OSBPL8: variants seen among roughly 807,000 people sequenced by gnomAD.
OSBPL8 encodes oxysterol binding protein like 8, also known as oxysterol-binding protein-related protein 8.
A neutral mutation model predicts 125.5 loss-of-function variants in OSBPL8; 59 were observed. That is an observed-to-expected ratio of 0.47 (90% confidence interval 0.38 to 0.58). OSBPL8 has a LOEUF of 0.58. Ranked by LOEUF, OSBPL8 falls within the 20% of genes least tolerant of loss-of-function variation. The pLI is 0.00. For synonymous variants in OSBPL8, 330 were observed against 338.9 expected, an observed-to-expected ratio of 0.97 and a Z score of 0.29; for missense variants, 758 against 1,047.8, an observed-to-expected ratio of 0.72 and a Z score of 3.82.
intron 21 of OSBPL8, 113 bp from the exon 22 acceptor site, chr12:76,358,924 CA>C: frequency 1.3e-6 from 1 of 750,806 alleles, no homozygotes; most frequent in South Asian, 1.7e-5. Context: ...GAAATAAAGA[CA>C]ATGATGAAAT....
At chr12:76,533,768 G>GA (rs888194155) in intron 1 of OSBPL8, among the ~76,000 whole-genome samples, 2 of 151,632 alleles carry the variant, frequency 1.3e-5, no homozygotes, top group South Asian at 2.1e-4. Context: ...ATTTCAGTAG[G>GA]AAAAAAAATA....
At chr12:76,464,222 T>G (rs921646465) in intron 2 of OSBPL8, among the ~76,000 whole-genome samples, 1 of 152,038 alleles carries the variant, frequency 6.6e-6, no homozygotes, top group African/African-American at 2.4e-5. Context: ...TGTACCACGA[T>G]CCATGATCGC....
chr12:76,468,782 T>A (rs1460861097), intron 2 of OSBPL8, among the ~76,000 whole-genome samples: 1 of 152,254 alleles, frequency 6.6e-6, no homozygotes, highest in Non-Finnish European at 1.5e-5. Context: ...TCCACCATTA[T>A]AATGGTCTAG....
chr12:76,502,543 T>C (rs559653622), intron 1 of OSBPL8, among the ~76,000 whole-genome samples: 107 of 152,324 alleles, frequency 7.0e-4, no homozygotes, highest in Non-Finnish European at 1.3e-3. Context: ...GGAAAGTATG[T>C]CTGAAATACA....
chr12:76,386,553 A>C (rs1953321302), intron 13 of OSBPL8, 26 bp downstream of exon 13: 1 of 1,537,338 alleles, frequency 6.5e-7, no homozygotes. Flanking sequence ...CACTAAAGAC[A>C]ATAAAATGTA....
At chr12:76,457,841 A>C (rs1388073278) in intron 3 of OSBPL8, among the ~76,000 whole-genome samples, 1 of 152,214 alleles carries the variant, frequency 6.6e-6, no homozygotes, top group African/African-American at 2.4e-5. Context: ...ATGCTATTCT[A>C]TTTATAAAGC....
Position 76,373,414 on chromosome 12 carries a change from T to G in OSBPL8, c.1847A>C (p.Asp616Ala). ...TTTCCCTGATATTTGATTAACACAG[T>G]CACTACTCCCTAGGAATGGCTTTTA... ...FKLKPFLGSS[D>A]CVNQISGKLK... is the part of the protein sequence containing the mutation. The change falls in exon 18 of 24, where the codon GAC becomes GCC. Residue 616 changes from aspartate to alanine, a missense_variant. Physicochemically the swap from Asp to Ala is moderately radical, Grantham distance 126. Coordinates refer to ENST00000261183, the MANE Select transcript of OSBPL8 (RefSeq NM_020841.5). The G allele has an allele frequency of 1.2e-6, 2 of 1,606,912 alleles. No individual in the cohort carries two copies. Among genetic ancestry groups the G allele is most frequent in the South Asian group, 2.2e-5 (2 of 90,276 alleles).
chr12:76,403,912 A>G (rs1277245722), intron 5 of OSBPL8, among the ~76,000 whole-genome samples: 1 of 152,224 alleles, frequency 6.6e-6, no homozygotes, highest in Non-Finnish European at 1.5e-5. Context: ...CTTAGTAAAT[A>G]TCTAACGAAT....
chr12:76,485,159 G>A (rs7953910), intron 2 of OSBPL8, among the ~76,000 whole-genome samples: 1 of 152,054 alleles, frequency 6.6e-6, no homozygotes. Context: ...CTGACCTCAG[G>A]TGATCCACCC....
Position 76,355,808 on chromosome 12 carries a change from A to C in OSBPL8, c.*81T>G, listed in dbSNP as rs944687996. 34 of 1,466,618 alleles carry C rather than the reference A, an allele frequency of 2.3e-5. No homozygotes were observed. The highest frequency in any genetic ancestry group is 3.0e-5 in the Non-Finnish European group (33 of 1,090,094). The allele number at this position is 1,466,618 out of a possible 1,614,324, so 90.9% of individuals were successfully genotyped here. A position where few individuals can be genotyped will look rare whatever the true frequency, so the allele number is the denominator to read the frequency against. ...TTGTTTTCGGAATATTGTGATTTTTAATAAAGACCAAACCAACTTGAACAC... is the reference window on the plus strand; with the variant it reads ...TTGTTTTCGGAATATTGTGATTTTTCATAAAGACCAAACCAACTTGAACAC... On this transcript the variant is annotated 3_prime_UTR_variant, in exon 24 of 24. Coordinates refer to ENST00000261183, the MANE Select transcript of OSBPL8 (RefSeq NM_020841.5).
chr12:76,457,659 A>G (rs1274620530), intron 3 of OSBPL8, among the ~76,000 whole-genome samples: 2 of 152,170 alleles, frequency 1.3e-5, no homozygotes, highest in Non-Finnish European at 2.9e-5. Flanking sequence ...CAGCCTTTTA[A>G]TACTTGGCAG....
chr12:76,515,379 T>C (rs1243835435), intron 1 of OSBPL8, among the ~76,000 whole-genome samples: 1 of 152,228 alleles, frequency 6.6e-6, no homozygotes. Context: ...CTTTATTTCA[T>C]GGAAGCTGAT....
At chr12:76,386,516 T>G (rs1592577245) in intron 13 of OSBPL8, 63 bp downstream of exon 13, 9 of 1,446,128 alleles carry the variant, frequency 6.2e-6, no homozygotes, top group South Asian at 5.4e-5. Flanking sequence ...ATCTACAGAT[T>G]ACATAAAATA....
intron 1 of OSBPL8, among the ~76,000 whole-genome samples, chr12:76,513,961 T>A (rs1383912596): frequency 2.6e-5 from 4 of 152,024 alleles, no homozygotes; most frequent in East Asian, 1.9e-4. Flanking sequence ...TGTCATTGTG[T>A]TGTTGGCTGG....
At chr12:76,464,182 C>T (rs1875090476) in intron 2 of OSBPL8, among the ~76,000 whole-genome samples, 2 of 152,148 alleles carry the variant, frequency 1.3e-5, no homozygotes, top group African/African-American at 4.8e-5. Context: ...GGCAGGAGGA[C>T]TGCTTGAGCC....
At chr12:76,426,290 CT>C (rs1424489240) in intron 4 of OSBPL8, among the ~76,000 whole-genome samples, 2 of 152,168 alleles carry the variant, frequency 1.3e-5, no homozygotes, top group Non-Finnish European at 2.9e-5. Flanking sequence ...TAAATATTCA[CT>C]GCTTATGTTT....
chr12:76,524,765 C>T (rs1329236131), intron 1 of OSBPL8, among the ~76,000 whole-genome samples: 1 of 150,686 alleles, frequency 6.6e-6, no homozygotes, highest in East Asian at 2.0e-4. Flanking sequence ...CTCACTGCAA[C>T]CTCCGCCTCC....
chr12:76,545,183 T>C (rs887617818), intron 1 of OSBPL8, among the ~76,000 whole-genome samples: 2 of 152,156 alleles, frequency 1.3e-5, no homozygotes, highest in African/African-American at 4.8e-5. Context: ...AAGATAATGC[T>C]TGCAAATATG....
chr12:76,444,291 C>T (rs1285868435), intron 4 of OSBPL8, among the ~76,000 whole-genome samples: 1 of 152,158 alleles, frequency 6.6e-6, no homozygotes, highest in African/African-American at 2.4e-5. Flanking sequence ...CTTTACAACA[C>T]TGCTTGAAGA....
Sources: allele counts gnomAD v4.1 joint callset (sites outside exome capture counted in the v4.1 genomes callset), GRCh38; gene constraint gnomAD v4.1.1; transcripts MANE v1.5; gene names NCBI Gene and HGNC (gene_info 2026-07-23, HGNC 2026-07-21).